The following NUP214 variants were observed in gnomAD, a reference collection of about 807,000 sequenced individuals.
The protein encoded by NUP214 is nucleoporin 214.
Under a neutral mutation model 196.2 loss-of-function variants are expected in NUP214, and 79 were observed. The observed-to-expected ratio is 0.40, with a 90% confidence interval of 0.34 to 0.49. The LOEUF is 0.49. NUP214 is among the 20% of genes least tolerant of loss of function. The probability of loss-of-function intolerance (pLI) is 0.58; values close to 1 mark genes in which losing one functional copy is unlikely to be tolerated. For synonymous variants in NUP214, 1,020 were observed against 990.5 expected (o/e 1.03, Z -0.56); for missense variants, 2,468 against 2,539.0 (o/e 0.97, Z 0.60).
chr9:131,131,999 A>C (rs1831559486), intron 5 of NUP214, among the ~76,000 whole-genome samples: 1 of 151,594 alleles, frequency 6.6e-6, no homozygotes, highest in Admixed American at 6.6e-5. Context: ...TTATTCCACT[A>C]TTGATGATTG....
chr9:131,192,250 C>T lies in NUP214; in HGVS notation c.3617C>T (p.Ala1206Val). The part of the protein sequence containing the change: ...IETAVTSTPS[A>V]SGQFSKPFSF... ...ACAGCTGTGACTTCAACCCCATCTG[C>T]TTCTGGGCAGTTCAGCAAGCCTTTC... The change falls in exon 27 of 36, where the codon GCT (alanine) becomes GTT (valine). Residue 1206 changes from alanine to valine, a missense_variant. Transcript: ENST00000359428. 1 of 1,472,668 alleles carries T rather than the reference C, an allele frequency of 6.8e-7. No individual in the cohort carries two copies. Among genetic ancestry groups the T allele is most frequent in the Non-Finnish European group, 9.1e-7 (1 of 1,099,460 alleles). 91.2% of individuals were successfully genotyped at this position (1,472,668 alleles called of 1,614,324 possible). A position where few individuals can be genotyped will look rare whatever the true frequency, so the allele number is the denominator to read the frequency against.
chr9:131,140,453 C>T, intron 10 of NUP214, 96 bp from the exon 11 acceptor site: 1 of 1,027,164 alleles, frequency 9.7e-7, no homozygotes, highest in Non-Finnish European at 1.4e-6. Flanking sequence ...CAGATGAGTC[C>T]CTTAAACCCT....
At chr9:131,187,181 C>G in intron 24 of NUP214, 108 bp from the exon 25 acceptor site, 1 of 897,752 alleles carries the variant, frequency 1.1e-6, no homozygotes, top group South Asian at 1.4e-5. Context: ...GCATCTGTAT[C>G]CTACCCAAAA....
chr9:131,213,736 T>G (rs368601688), intron 30 of NUP214, among the ~76,000 whole-genome samples: 1 of 146,394 alleles, frequency 6.8e-6, no homozygotes, highest in East Asian at 2.0e-4. Context: ...ATTAAATGGT[T>G]GTAGTGAATT....
At position 131,197,583 on chromosome 9, in the gene NUP214, C is replaced by T. The variant is rs1261244604; in HGVS notation, c.4089C>T (p.Thr1363=). ...SSTSLTSTQP[T]KTSGVPSGFN... ...CAAGCCTAACTAGTACCCAGCCAACCAAGACGTCAGGCGTGCCCTCAGGGT... is the reference window on the plus strand; with the variant it reads ...CAAGCCTAACTAGTACCCAGCCAACTAAGACGTCAGGCGTGCCCTCAGGGT... Residue 1363 remains threonine, a synonymous_variant, in exon 29 of 36, where the codon ACC becomes ACT. Transcript: ENST00000359428. The T allele has an allele frequency of 3.1e-6, 5 of 1,614,176 alleles. No homozygotes were observed. Among genetic ancestry groups the T allele is most frequent in the Non-Finnish European group, 4.2e-6 (5 of 1,180,042 alleles).
rs750832830 is a variant in NUP214 at position 131,144,557 on chromosome 9, C to T, written c.1572C>T (p.Pro524=). 7 of 1,614,094 alleles carry T rather than the reference C, an allele frequency of 4.3e-6. No individual in the cohort carries two copies. In the East Asian group the frequency reaches 1.1e-4, roughly 26 times the overall value. ...GPGPSTFSFV[P]PSKASLAPTP... ...GCCCATCAACCTTCTCTTTTGTTCC[C>T]CCTTCTAAAGCCTCCCTAGCCCCCA... is the stretch of plus-strand genomic sequence containing the variant. The change falls in exon 12 of 36, where the codon CCC becomes CCT. Residue 524 remains proline, a synonymous_variant. Transcript: ENST00000359428.
intron 30 of NUP214, among the ~76,000 whole-genome samples, chr9:131,202,774 GA>G (rs2131055954): frequency 6.6e-6 from 1 of 151,174 alleles, no homozygotes; most frequent in Admixed American, 6.6e-5. Flanking sequence ...TGTTTAAAAA[GA>G]AAAAAGAGGA....
At chr9:131,169,767 A>G (rs1278411649) in intron 21 of NUP214, among the ~76,000 whole-genome samples, 1 of 152,220 alleles carries the variant, frequency 6.6e-6, no homozygotes, top group Non-Finnish European at 1.5e-5. Flanking sequence ...AAGCAGCCAC[A>G]GACCATGTGA....
At chr9:131,195,152 T>G (rs749144960) in intron 27 of NUP214, 81 bp from the exon 28 acceptor site, 2 of 992,932 alleles carry the variant, frequency 2.0e-6, no homozygotes, top group Non-Finnish European at 3.1e-6. Context: ...TTTGTATGAA[T>G]GAATGATAAA....
intron 21 of NUP214, among the ~76,000 whole-genome samples, chr9:131,173,319 G>C (rs917841574): frequency 4.4e-4 from 65 of 147,800 alleles, no homozygotes; most frequent in African/African-American, 1.5e-3. Context: ...GCCTCCCAAA[G>C]TGCTGGGATT....
chr9:131,132,925 T>TA, intron 6 of NUP214, 181 bp from the exon 7 acceptor site: 1 of 624,164 alleles, frequency 1.6e-6, no homozygotes, highest in Non-Finnish European at 2.8e-6. Flanking sequence ...GCAGAAAAAT[T>TA]ACCATTTGGG....
intron 21 of NUP214, chr9:131,164,745 T>G (rs925288844): frequency 3.3e-5 from 5 of 152,066 alleles, no homozygotes; most frequent in African/African-American, 1.2e-4. Context: ...GATTAAGCAA[T>G]GTTGATTAAA....
intron 17 of NUP214, among the ~76,000 whole-genome samples, chr9:131,158,380 C>T (rs574343805): frequency 6.6e-6 from 1 of 152,346 alleles, no homozygotes; most frequent in East Asian, 1.9e-4. Context: ...CGCCCAGCCA[C>T]CTGGCCTGTT....
intron 12 of NUP214, among the ~76,000 whole-genome samples, chr9:131,145,867 T>C (rs550927612): frequency 1.2e-4 from 18 of 152,218 alleles, no homozygotes; most frequent in Non-Finnish European, 1.3e-4. Flanking sequence ...ACTTGGTATT[T>C]CATATTGTGA....
At chr9:131,199,520 G>C (rs1833888277) in intron 29 of NUP214, among the ~76,000 whole-genome samples, 1 of 152,204 alleles carries the variant, frequency 6.6e-6, no homozygotes, top group Non-Finnish European at 1.5e-5. Context: ...TGTAATGGCA[G>C]TCACTGACAT....
At chr9:131,172,320 T>C (rs535608992) in intron 21 of NUP214, among the ~76,000 whole-genome samples, 43 of 152,330 alleles carry the variant, frequency 2.8e-4, no homozygotes, top group African/African-American at 1.0e-3. Context: ...GTGAGCATTT[T>C]GTCATGTGTT....
chr9:131,132,559 A>G lies in NUP214; in HGVS notation c.664-37A>G, dbSNP rs748857813. ...GTTTGATTGGTTTAGGATTTGTTTCATTTGATACTTTATTTTCCCCTCCAA... is the reference window on the plus strand; with the variant it reads ...GTTTGATTGGTTTAGGATTTGTTTCGTTTGATACTTTATTTTCCCCTCCAA... On this transcript the variant is annotated intron_variant, in intron 5 of 35. Transcript: ENST00000359428. 58 of 1,568,074 alleles carry G rather than the reference A, an allele frequency of 3.7e-5. No individual in the cohort carries two copies. In the Admixed American group the frequency reaches 9.2e-4, roughly 25 times the overall value.
intron 3 of NUP214, among the ~76,000 whole-genome samples, 159 bp from the exon 4 acceptor site, chr9:131,129,118 AGC>A (rs1831450634): frequency 6.6e-6 from 1 of 152,380 alleles, no homozygotes; most frequent in African/African-American, 2.4e-5. Flanking sequence ...AATTGTCTAT[AGC>A]AAATAGATTG....
At chr9:131,216,597 A>G (rs1051675598) in intron 31 of NUP214, among the ~76,000 whole-genome samples, 7 of 148,694 alleles carry the variant, frequency 4.7e-5, no homozygotes, top group African/African-American at 1.0e-4. Context: ...CAGTGGTGCA[A>G]TCTCGGCTCA....
Sources: gnomAD v4.1 joint callset for allele counts (sites outside exome capture counted in the v4.1 genomes callset) on GRCh38, gnomAD v4.1.1 for gene constraint, MANE v1.5 for transcripts, NCBI Gene and HGNC (gene_info 2026-07-23, HGNC 2026-07-21) for gene names.